The following ADAM9 variants were observed in gnomAD, a reference collection of about 807,000 sequenced individuals.
The protein encoded by ADAM9 is ADAM metallopeptidase domain 9.
In ADAM9, 54 loss-of-function variants were observed where a neutral mutation model predicts 108.1. That is an observed-to-expected ratio of 0.50 (90% CI 0.40 to 0.63). The LOEUF (loss-of-function observed/expected upper bound fraction) is 0.63, where lower values mean the gene tolerates loss of function less well. Ranked by LOEUF, ADAM9 falls within the 20% of genes least tolerant of loss-of-function variation. The pLI, the probability that ADAM9 is intolerant of heterozygous loss-of-function variation, is 0.00. For missense variants in ADAM9, 830 were observed against 997.7 expected (o/e 0.83, Z 2.26); for synonymous variants, 316 against 336.0 (o/e 0.94, Z 0.65).
chr8:39,065,217 T>C (rs55797573), intron 14 of ADAM9, among the ~76,000 whole-genome samples: 61,553 of 150,316 alleles, frequency 0.41, 13,453 homozygotes, highest in East Asian at 0.73. Flanking sequence ...TTTTTGTTTT[T>C]TTTTTTTGAC....
chr8:39,026,713 G>A lies in ADAM9; in HGVS notation c.1033G>A (p.Val345Ile), dbSNP rs150830466. ...CACTGTGGAGACATTTGCTTCCATT[G>A]TTGCTCATGAATTGGGTCATAATCT... ...QITVETFASI[V>I]AHELGHNLGM... Residue 345 changes from valine to isoleucine, a missense_variant, in exon 11 of 22, where the codon GTT becomes ATT. By Grantham distance (29) the Val-to-Ile change is conservative. Around this residue, in one of 3 missense-constraint regions of ADAM9, gnomAD observed 381 missense variants for 539.8 expected, o/e 0.71. Coordinates refer to ENST00000487273, the MANE Select transcript of ADAM9 (RefSeq NM_003816.3). 33 of 1,614,130 alleles carry A rather than the reference G, an allele frequency of 2.0e-5. 1 individual carries two copies. In the African/African-American group the frequency reaches 3.5e-4, roughly 17 times the overall value.
chr8:39,018,959 A>T, intron 7 of ADAM9, 41 bp downstream of exon 7: 2 of 1,549,016 alleles, frequency 1.3e-6, no homozygotes, highest in Non-Finnish European at 1.8e-6. Flanking sequence ...CATGAAAAGG[A>T]TATGAGAAGT....
intron 11 of ADAM9, among the ~76,000 whole-genome samples, chr8:39,035,966 A>G (rs974515364): frequency 4.0e-5 from 6 of 151,754 alleles, no homozygotes; most frequent in Admixed American, 6.6e-5. Flanking sequence ...TTTTGAGGGC[A>G]TATTTCCTAC....
chr8:39,099,395 C>T (rs1220596787), intron 20 of ADAM9, among the ~76,000 whole-genome samples: 2 of 152,118 alleles, frequency 1.3e-5, no homozygotes, highest in African/African-American at 4.8e-5. Flanking sequence ...TTTCAAAATA[C>T]CTTTTAAATA....
chr8:39,023,004 C>T (rs1042096842), intron 8 of ADAM9, 152 bp from the exon 9 acceptor site: 26 of 685,944 alleles, frequency 3.8e-5, no homozygotes, highest in South Asian at 1.3e-4. Flanking sequence ...TGAGCCACTG[C>T]GCCCCGCCCA....
chr8:39,017,546 T>G, intron 6 of ADAM9, 132 bp downstream of exon 6: 2 of 851,508 alleles, frequency 2.3e-6, no homozygotes, highest in Non-Finnish European at 3.8e-6. Flanking sequence ...TGCCAGACAT[T>G]GTGATAGGTA....
intron 3 of ADAM9, among the ~76,000 whole-genome samples, chr8:39,012,647 G>A (rs1444028517): frequency 6.6e-6 from 1 of 152,102 alleles, no homozygotes; most frequent in Non-Finnish European, 1.5e-5. Flanking sequence ...TCCTTTGTAG[G>A]GACATGGATG....
chr8:39,098,085 CTT>C (rs1445030691), intron 20 of ADAM9, among the ~76,000 whole-genome samples: 1 of 151,588 alleles, frequency 6.6e-6, no homozygotes, highest in Non-Finnish European at 1.5e-5. Context: ...CAGTTTTTGT[CTT>C]TTCCGGATGT....
intron 8 of ADAM9, 101 bp from the exon 9 acceptor site, chr8:39,023,055 A>T: frequency 1.9e-6 from 2 of 1,049,736 alleles, no homozygotes; most frequent in Non-Finnish European, 2.8e-6. Context: ...TTTTTTAGGC[A>T]GGGGAGTTTT....
At chr8:39,072,549 G>T (rs1166985297) in intron 15 of ADAM9, among the ~76,000 whole-genome samples, 1 of 151,986 alleles carries the variant, frequency 6.6e-6, no homozygotes, top group African/African-American at 2.4e-5. Flanking sequence ...ATGTGATTTC[G>T]TTTACTTCCG....
At chr8:39,042,639 A>G (rs1180407936) in intron 12 of ADAM9, among the ~76,000 whole-genome samples, 2 of 151,750 alleles carry the variant, frequency 1.3e-5, no homozygotes, top group Non-Finnish European at 2.9e-5. Context: ...TAAATCTTTT[A>G]CTTCCTTTTT....
At chr8:39,028,686 G>A (rs887446733) in intron 11 of ADAM9, among the ~76,000 whole-genome samples, 7 of 152,188 alleles carry the variant, frequency 4.6e-5, no homozygotes, top group Non-Finnish European at 8.8e-5. Flanking sequence ...GCCAGACTTT[G>A]TTCTCAGCAC....
chr8:39,072,350 C>T (rs1454414962), intron 15 of ADAM9, among the ~76,000 whole-genome samples: 1 of 152,188 alleles, frequency 6.6e-6, no homozygotes, highest in Non-Finnish European at 1.5e-5. Flanking sequence ...TACAGTAAAA[C>T]AGTGCTTGCT....
At chr8:39,046,194 T>A (rs529430201) in intron 12 of ADAM9, among the ~76,000 whole-genome samples, 1 of 152,302 alleles carries the variant, frequency 6.6e-6, no homozygotes, top group African/African-American at 2.4e-5. Flanking sequence ...TCCTCACTTG[T>A]TAAGCTTATT....
chr8:39,100,962 AG>A (rs2129443609), intron 20 of ADAM9, among the ~76,000 whole-genome samples: 1 of 152,354 alleles, frequency 6.6e-6, no homozygotes, highest in Admixed American at 6.5e-5. Context: ...TACTTCATCA[AG>A]GAAGGATATA....
At chr8:39,009,911 GGAGA>G (rs138490995) in intron 2 of ADAM9, among the ~76,000 whole-genome samples, 23 of 84,760 alleles carry the variant, frequency 2.7e-4, no homozygotes, top group South Asian at 2.3e-3. Flanking sequence ...GGGGGGGCAG[GGAGA>G]GAGAGAGAGA....
intron 15 of ADAM9, among the ~76,000 whole-genome samples, chr8:39,075,467 TG>T (rs1212835823): frequency 1.3e-5 from 2 of 152,230 alleles, no homozygotes; most frequent in African/African-American, 2.4e-5. Context: ...GATCCTTGCC[TG>T]AAGCAATTAT....
At chr8:39,034,483 T>C (rs570073880) in intron 11 of ADAM9, among the ~76,000 whole-genome samples, 6 of 152,344 alleles carry the variant, frequency 3.9e-5, no homozygotes, top group African/African-American at 1.4e-4. Context: ...TTGGTCCTCT[T>C]GCATCTCTGA....
At chr8:39,002,078 AC>A (rs1564213507) in intron 1 of ADAM9, among the ~76,000 whole-genome samples, 1 of 151,090 alleles carries the variant, frequency 6.6e-6, no homozygotes, top group Non-Finnish European at 1.5e-5. Context: ...TTACTTTTGC[AC>A]CAACCTATTA....
Sources: allele counts gnomAD v4.1 joint callset (sites outside exome capture counted in the v4.1 genomes callset), GRCh38; gene constraint gnomAD v4.1.1; regional missense constraint gnomAD v4.1.1; transcripts MANE v1.5; gene names NCBI Gene and HGNC (gene_info 2026-07-23, HGNC 2026-07-21).